The following MSR1 variants were observed in gnomAD, a reference collection of about 807,000 sequenced individuals.
The protein encoded by MSR1 is macrophage scavenger receptor types I and II.
A neutral mutation model predicts 47.2 loss-of-function variants in MSR1; 53 were observed. That is an observed-to-expected ratio of 1.12 (90% CI 0.90 to 1.41). MSR1 has a LOEUF of 1.41. Among genes scored for constraint, MSR1 ranks in the 40% most tolerant of loss-of-function variants. The pLI is 0.00. For missense variants in MSR1, 786 were observed against 546.9 expected (o/e 1.44, Z -4.36); for synonymous variants, 239 against 185.6 (o/e 1.29, Z -2.34).
At chr8:16,153,077 C>T (rs1054874910) in intron 6 of MSR1, among the ~76,000 whole-genome samples, 2 of 151,968 alleles carry the variant, frequency 1.3e-5, no homozygotes, top group African/African-American at 4.8e-5. Context: ...TTTGAGGCTA[C>T]TAGGACAACC....
intron 1 of MSR1, among the ~76,000 whole-genome samples, chr8:16,182,916 C>A (rs1273425391): frequency 6.6e-6 from 1 of 152,130 alleles, no homozygotes; most frequent in Non-Finnish European, 1.5e-5. Context: ...ACTTACGTAA[C>A]TGTATGTGCT....
intron 8 of MSR1, among the ~76,000 whole-genome samples, chr8:16,137,024 G>A (rs1441238853): frequency 7.2e-6 from 1 of 139,622 alleles, no homozygotes. Flanking sequence ...GTGCTACTAA[G>A]AAAGTACATT....
chr8:16,140,933 A>C lies in MSR1; in HGVS notation c.1033+2625T>G, dbSNP rs1800539999. 4.3e-6 allele frequency: 7 copies of C among 1,612,992 alleles called. No individual in the cohort carries two copies. The South Asian group carries it at 7.7e-5, about 18-fold the overall frequency. On this transcript the variant is annotated intron_variant, in intron 8 of 9. Coordinates refer to ENST00000262101, the MANE Select transcript of MSR1 (RefSeq NM_138715.3). Reference sequence around the variant, plus strand: ...ATCTTGGAAGTCAGTTGTGCAGATGACTTGTCCAGAGGTGAAGGGCCTTTT... The same window carrying C: ...ATCTTGGAAGTCAGTTGTGCAGATGCCTTGTCCAGAGGTGAAGGGCCTTTT...
intron 5 of MSR1, among the ~76,000 whole-genome samples, chr8:16,160,732 T>C (rs564257169): frequency 7.9e-5 from 12 of 152,006 alleles, no homozygotes; most frequent in African/African-American, 2.4e-4. Flanking sequence ...AAAGAGAAAA[T>C]GTCTAGTGTT....
chr8:16,151,017 A>G (rs1800843893), intron 6 of MSR1, among the ~76,000 whole-genome samples: 3 of 152,118 alleles, frequency 2.0e-5, no homozygotes, highest in Non-Finnish European at 2.9e-5. Context: ...TAACAACTGT[A>G]TATAAAAGAA....
intron 5 of MSR1, 150 bp from the exon 6 acceptor site, chr8:16,155,294 G>A (rs1284079490): frequency 1.5e-6 from 1 of 646,434 alleles, no homozygotes; most frequent in African/African-American, 1.8e-5. Context: ...CATGAATGGA[G>A]GAGTATTCTG....
intron 6 of MSR1, among the ~76,000 whole-genome samples, chr8:16,153,957 AC>A (rs757706402): frequency 3.3e-5 from 5 of 151,818 alleles, no homozygotes; most frequent in Non-Finnish European, 7.4e-5. Context: ...TACTAATACC[AC>A]CTGACTTGGC....
intron 8 of MSR1, 26 bp downstream of exon 8, chr8:16,143,532 C>A: frequency 1.2e-6 from 2 of 1,604,370 alleles, no homozygotes; most frequent in Non-Finnish European, 1.7e-6. Flanking sequence ...AGAATTCACA[C>A]AGAAAACAAA....
intron 2 of MSR1, among the ~76,000 whole-genome samples, chr8:16,177,524 C>A (rs780449350): frequency 6.6e-6 from 1 of 151,804 alleles, no homozygotes; most frequent in South Asian, 2.1e-4. Context: ...TGAGCGAATA[C>A]ATTTCTGTTT....
intron 7 of MSR1, 63 bp from the exon 8 acceptor site, chr8:16,143,674 G>A (rs2117115211): frequency 2.5e-6 from 3 of 1,211,226 alleles, no homozygotes; most frequent in African/African-American, 1.5e-5. Flanking sequence ...TGCTTTAACT[G>A]GAGACAGATC....
chr8:16,181,295 A>G (rs1347566285), intron 1 of MSR1, among the ~76,000 whole-genome samples: 1 of 152,140 alleles, frequency 6.6e-6, no homozygotes, highest in Admixed American at 6.6e-5. Flanking sequence ...TGGTTGAACT[A>G]ATTTACACCC....
chr8:16,168,959 T>G (rs1585181928), intron 3 of MSR1, 89 bp from the exon 4 acceptor site: 9 of 1,336,350 alleles, frequency 6.7e-6, no homozygotes, highest in Non-Finnish European at 8.4e-6. Flanking sequence ...TCCGTTCATT[T>G]TATTCCATTC....
intron 1 of MSR1, among the ~76,000 whole-genome samples, chr8:16,184,294 T>G (rs904532982): frequency 1.3e-5 from 2 of 152,092 alleles, no homozygotes; most frequent in African/African-American, 4.8e-5. Context: ...AGAGGGGTCC[T>G]GCACATTACA....
At chr8:16,159,071 G>A (rs966374810) in intron 5 of MSR1, among the ~76,000 whole-genome samples, 2 of 150,802 alleles carry the variant, frequency 1.3e-5, no homozygotes, top group East Asian at 2.0e-4. Context: ...CAAAGCGCTG[G>A]GATTACAGGC....
chr8:16,123,324 GT>G (rs1217685402), intron 8 of MSR1, among the ~76,000 whole-genome samples: 1 of 152,166 alleles, frequency 6.6e-6, no homozygotes, highest in African/African-American at 2.4e-5. Context: ...TCATTTGAGA[GT>G]TGGCTTCACC....
chr8:16,128,862 T>C (rs904701141), intron 8 of MSR1, among the ~76,000 whole-genome samples: 1 of 152,058 alleles, frequency 6.6e-6, no homozygotes, highest in Non-Finnish European at 1.5e-5. Context: ...GAAGGACCTA[T>C]TAGATGTTTT....
intron 3 of MSR1, among the ~76,000 whole-genome samples, chr8:16,171,091 G>T (rs1801472031): frequency 6.6e-6 from 1 of 152,026 alleles, no homozygotes; most frequent in Non-Finnish European, 1.5e-5. Flanking sequence ...AGGCGTGGTG[G>T]TGGGTGCCTG....
rs759366598 is a variant in MSR1, at chr8:16,168,511, T to G, written c.577A>C (p.Asn193His). 6 of 1,614,178 alleles carry G rather than the reference T, an allele frequency of 3.7e-6. No individual in the cohort carries two copies. Among genetic ancestry groups the G allele is most frequent in the Non-Finnish European group, 5.1e-6 (6 of 1,180,020 alleles). The change falls in exon 4 of 10, where the codon AAC (asparagine) becomes CAC (histidine). Residue 193 changes from asparagine (N) to histidine (H), a missense_variant. By Grantham distance (68) the Asn-to-His change is moderately conservative. Coordinates refer to ENST00000262101, the MANE Select transcript of MSR1 (RefSeq NM_138715.3). ...LNTTLLDLQL[N>H]IENLNGKIQE... ...ATTTTGCCATTCAGATTTTCTATGT[T>G]GAGCTGCAAATCAAGCAATGTGGTA...
intron 6 of MSR1, among the ~76,000 whole-genome samples, chr8:16,154,223 A>T (rs1334841245): frequency 6.6e-6 from 1 of 152,020 alleles, no homozygotes; most frequent in Non-Finnish European, 1.5e-5. Context: ...GATGAAGTAC[A>T]TGGTATTTAG....
Sources: gnomAD v4.1 joint callset for allele counts (sites outside exome capture counted in the v4.1 genomes callset) on GRCh38, gnomAD v4.1.1 for gene constraint, MANE v1.5 for transcripts, NCBI Gene and HGNC (gene_info 2026-07-23, HGNC 2026-07-21) for gene names.